Variants in SLC8A2 observed in about 807,000 individuals in gnomAD.
SLC8A2 encodes sodium/calcium exchanger 2.
SLC8A2 carries 14 observed loss-of-function variants against 70.2 expected under a neutral mutation model. The ratio of observed to expected loss-of-function variants is 0.20; its 90% CI spans 0.13 to 0.31. The LOEUF is 0.31. SLC8A2 is among the 10% of genes least tolerant of loss of function. The pLI, the probability that SLC8A2 is intolerant of heterozygous loss-of-function variation, is 1.00. For synonymous variants in SLC8A2, 575 were observed against 594.3 expected, an observed-to-expected ratio of 0.97 and a Z score of 0.47; for missense variants, 779 against 1,320.1, an observed-to-expected ratio of 0.59 and a Z score of 6.35.
intron 3 of SLC8A2, among the ~76,000 whole-genome samples, chr19:47,454,823 C>T (rs778650589): frequency 1.4e-4 from 21 of 152,182 alleles, no homozygotes; most frequent in Non-Finnish European, 2.1e-4. Context: ...CGGTGGCTCA[C>T]GCCTGTAGTC....
Position 47,430,502 on chromosome 19 carries a change from C to A in SLC8A2, c.2390-37G>T, listed in dbSNP as rs892157556. ...AGACATACAGGTCGGAGGGGCTTTGCGCCGCCACCCACAGGGGCGGGCATC... is the reference window on the plus strand; with the variant it reads ...AGACATACAGGTCGGAGGGGCTTTGAGCCGCCACCCACAGGGGCGGGCATC... On this transcript the variant is annotated intron_variant, in intron 9 of 9. Transcript: ENST00000236877. The surrounding 1 kb of genome is among the most constrained non-coding windows in gnomAD (Gnocchi z 5.9). The A allele has an allele frequency of 1.9e-6, 3 of 1,538,664 alleles. No individual in the cohort carries two copies. Among genetic ancestry groups the A allele is most frequent in the South Asian group, 2.4e-5 (2 of 83,166 alleles).
chr19:47,438,285 T>C (rs975616851), intron 6 of SLC8A2, among the ~76,000 whole-genome samples: 1 of 152,196 alleles, frequency 6.6e-6, no homozygotes, highest in African/African-American at 2.4e-5. Flanking sequence ...CAATAATTAG[T>C]ACCTACCTCA....
chr19:47,457,552 C>G lies in SLC8A2; in HGVS notation c.718G>C (p.Val240Leu). The change falls in exon 3 of 10, where the codon GTG becomes CTG. Residue 240 changes from valine to leucine, a missense_variant. Val to Leu is a conservative substitution (Grantham distance 32). Transcript: ENST00000236877. The stretch of plus-strand genomic sequence containing the variant: ...TTGTCGGCCATCCAGGCGAATACCA[C>G]GCACACCGGGAAGAAGACCAGGGTC... The part of the protein sequence containing the change: ...LLTLVFFPVC[V>L]VFAWMADKRL... 2 of 1,594,546 alleles carry G rather than the reference C, an allele frequency of 1.3e-6. No individual in the cohort carries two copies. Among genetic ancestry groups the G allele is most frequent in the Non-Finnish European group, 1.7e-6 (2 of 1,171,118 alleles).
chr19:47,447,832 C>A lies in SLC8A2; in HGVS notation c.1740G>T (p.Leu580=). The part of the protein sequence containing the change: ...GVHYEDACGE[L]EFGDDETMKT... ...ACATGGTCTCGTCGTCGCCAAACTCCAGCTCTCCGCACGCGTCCTCGTAGT... is the reference window on the plus strand; with the variant it reads ...ACATGGTCTCGTCGTCGCCAAACTCAAGCTCTCCGCACGCGTCCTCGTAGT... The change falls in exon 4 of 10, where the codon CTG becomes CTT. Residue 580 remains leucine, a synonymous_variant. Transcript: ENST00000236877. This position sits in a 1 kb window ranked among gnomAD's most constrained non-coding sequence, Gnocchi z 5.1. 1 of 1,593,688 alleles carries A rather than the reference C, an allele frequency of 6.3e-7. No individual in the cohort carries two copies. The highest frequency in any genetic ancestry group is 2.3e-5 in the East Asian group (1 of 43,828).
At chr19:47,458,758 C>CT (rs1967350009) in intron 2 of SLC8A2, among the ~76,000 whole-genome samples, 1 of 151,618 alleles carries the variant, frequency 6.6e-6, no homozygotes, top group Admixed American at 6.6e-5. Context: ...GAGTTTCTTT[C>CT]TTTTTCTCTC....
chr19:47,441,506 A>C, intron 4 of SLC8A2, 66 bp from the exon 5 acceptor site: 1 of 941,894 alleles, frequency 1.1e-6, no homozygotes, highest in Non-Finnish European at 1.7e-6. Flanking sequence ...CTCACCAGGC[A>C]ACCCTCCTGG....
At chr19:47,440,824 C>T (rs1423111025) in intron 6 of SLC8A2, among the ~76,000 whole-genome samples, 1 of 152,122 alleles carries the variant, frequency 6.6e-6, no homozygotes, top group East Asian at 1.9e-4. Context: ...CTCCTGACCT[C>T]CGGTGATCCA....
intron 2 of SLC8A2, among the ~76,000 whole-genome samples, chr19:47,464,476 G>A (rs1222801052): frequency 1.3e-5 from 2 of 152,124 alleles, no homozygotes; most frequent in Admixed American, 6.6e-5. Context: ...TAAACTGTAC[G>A]ATATATCACT....
At chr19:47,450,956 A>G (rs1277163284) in intron 3 of SLC8A2, among the ~76,000 whole-genome samples, 1 of 151,296 alleles carries the variant, frequency 6.6e-6, no homozygotes, top group Non-Finnish European at 1.5e-5. Context: ...TGAGACATTT[A>G]CATGTAAGGG....
intron 4 of SLC8A2, among the ~76,000 whole-genome samples, chr19:47,444,516 C>T (rs1463198599): frequency 6.6e-6 from 1 of 152,170 alleles, no homozygotes; most frequent in Non-Finnish European, 1.5e-5. Context: ...ATGCTGGGGC[C>T]GGCGAGGAGG....
chr19:47,447,589 G>T lies in SLC8A2; in HGVS notation c.1763+220C>A. 3.6e-6 allele frequency: 2 copies of T among 552,246 alleles called. No individual in the cohort carries two copies. Among genetic ancestry groups the T allele is most frequent in the Non-Finnish European group, 6.3e-6 (2 of 318,656 alleles). 34.2% of individuals were successfully genotyped at this position (552,246 alleles called of 1,614,324 possible). On this transcript the variant is annotated intron_variant, in intron 4 of 9. Coordinates refer to ENST00000236877, the MANE Select transcript of SLC8A2 (RefSeq NM_015063.3). This position sits in a 1 kb window ranked among gnomAD's most constrained non-coding sequence, Gnocchi z 5.1. ...TTCACTCAGGCCCCTCTCCTCCTGAGGGCCCAGCTGTTCAGTGAAGCCCCG... is the reference window on the plus strand; with the variant it reads ...TTCACTCAGGCCCCTCTCCTCCTGATGGCCCAGCTGTTCAGTGAAGCCCCG...
At chr19:47,470,873 G>A (rs1454168323) in intron 1 of SLC8A2, among the ~76,000 whole-genome samples, 2 of 152,068 alleles carry the variant, frequency 1.3e-5, no homozygotes, top group South Asian at 2.1e-4. Context: ...GGTGGGTGCC[G>A]GCTGGGAGGA....
intron 6 of SLC8A2, among the ~76,000 whole-genome samples, chr19:47,438,700 C>A (rs116272658): frequency 1.3e-5 from 2 of 152,166 alleles, no homozygotes; most frequent in Admixed American, 6.6e-5. Context: ...TGACTCCAAA[C>A]CCCAACCCTC....
chr19:47,458,343 T>TGTCTCTCTTTCCTCCCCTCTCCCC (rs1967342954), intron 2 of SLC8A2, among the ~76,000 whole-genome samples: 4 of 123,854 alleles, frequency 3.2e-5, no homozygotes, highest in African/African-American at 1.2e-4. Flanking sequence ...TGCCTCTCCC[T>TGTCTCTCTTTCCTCCCCTCTCCCC]GTCTCTCTTT....
At position 47,440,749 on chromosome 19, in the gene SLC8A2, G is replaced by C. The variant is rs183468718; in HGVS notation, c.1885+420C>G. Among the ~76,000 whole-genome samples the C allele has an allele frequency of 4.5e-4, 68 of 152,214 alleles. No homozygotes were observed. The South Asian group carries it at 5.4e-3, about 12-fold the overall frequency. On this transcript the variant is annotated intron_variant, in intron 6 of 9. Coordinates refer to ENST00000236877, the MANE Select transcript of SLC8A2 (RefSeq NM_015063.3). Reference sequence around the variant, plus strand: ...TGGAATTACAGTTGTGTGCCATCAGGCCCGGCTAATTTTGTATTTTTAATA... The same window carrying C: ...TGGAATTACAGTTGTGTGCCATCAGCCCCGGCTAATTTTGTATTTTTAATA...
rs1216142034 is a variant in SLC8A2 at position 47,465,836 on chromosome 19, G to A, written c.568C>T (p.Arg190Cys). 7 of 1,614,044 alleles carry A rather than the reference G, an allele frequency of 4.3e-6. No homozygotes were observed. The highest frequency in any genetic ancestry group is 5.9e-6 in the Non-Finnish European group (7 of 1,180,046). Residue 190 changes from arginine (R) to cysteine (C), a missense_variant, in exon 2 of 10, where the codon CGC becomes TGC. Physicochemically the swap from Arg to Cys is radical, Grantham distance 180. Coordinates refer to ENST00000236877, the MANE Select transcript of SLC8A2 (RefSeq NM_015063.3). This position sits in a 1 kb window ranked among gnomAD's most constrained non-coding sequence, Gnocchi z 5.5. ...CIYVIPAGES[R>C]KIKHLRVFFV... ...AAGACTCTCAGGTGCTTGATCTTGC[G>A]GCTCTCGCCGGCTGGGATGACGTAG...
chr19:47,429,694 T>A lies in SLC8A2; in HGVS notation c.*395A>T. 1 of 76,466 alleles carries A rather than the reference T, an allele frequency of 1.3e-5. No homozygotes were observed. Among genetic ancestry groups the A allele is most frequent in the Non-Finnish European group, 2.7e-5 (1 of 37,734 alleles). The allele number at this position is 76,466 out of a possible 1,614,324, so 4.7% of individuals were successfully genotyped here. On this transcript the variant is annotated 3_prime_UTR_variant, in exon 10 of 10. Coordinates refer to ENST00000236877, the MANE Select transcript of SLC8A2 (RefSeq NM_015063.3). ...GACATGGGGTGAAGTGGGGGGGGGG[T>A]CACTAGGGGAAGGGAGACTTTGGGG...
In SLC8A2 at chr19:47,448,635, C is replaced by G. The variant is rs1967199068; in HGVS notation, c.1341-404G>C. Among the ~76,000 whole-genome samples the G allele has an allele frequency of 6.6e-6, 1 of 152,168 alleles. No homozygotes were observed. Among genetic ancestry groups the G allele is most frequent in the Admixed American group, 6.5e-5 (1 of 15,274 alleles). On this transcript the variant is annotated intron_variant, in intron 3 of 9. Transcript: ENST00000236877. This position sits in a 1 kb window ranked among gnomAD's most constrained non-coding sequence, Gnocchi z 4.8. ...TGGGGTGTTCTACATCCCTGCTTCT[C>G]AAACCTTAATATGCATATGAATCCC...
At chr19:47,458,400 G>C in intron 2 of SLC8A2, among the ~76,000 whole-genome samples, 2 of 126,582 alleles carry the variant, frequency 1.6e-5, no homozygotes, top group South Asian at 2.6e-4. Context: ...CTCTCTTCAT[G>C]TCTGCCTTTC....
Sources: gnomAD v4.1 joint callset for allele counts (sites outside exome capture counted in the v4.1 genomes callset) on GRCh38, gnomAD v4.1.1 for gene constraint, Gnocchi (gnomAD v3.1) non-coding constraint, MANE v1.5 for transcripts, NCBI Gene and HGNC (gene_info 2026-07-23, HGNC 2026-07-21) for gene names.